USP31: variants seen among roughly 807,000 people sequenced by gnomAD.
The protein encoded by USP31 is ubiquitin carboxyl-terminal hydrolase 31.
USP31 carries 44 observed loss-of-function variants against 119.4 expected under a neutral mutation model. That is an observed-to-expected ratio of 0.37 (90% confidence interval 0.29 to 0.47). The LOEUF is 0.47. Ranked by LOEUF, USP31 falls within the 20% of genes least tolerant of loss-of-function variation. USP31 has a pLI of 0.99. For synonymous variants in USP31, 749 were observed against 705.6 expected (o/e 1.06, Z -0.97); for missense variants, 1,643 against 1,730.2 (o/e 0.95, Z 0.89).
Position 23,062,119 on chromosome 16 carries a change from C to G in USP31, c.*5927G>C, listed in dbSNP as rs541415675. On this transcript the variant is annotated 3_prime_UTR_variant, in exon 16 of 16. Transcript: ENST00000219689. ...TTCCAACTTGCATGTCTACTTGTAT[C>G]TTCATTCCTTAAAATGTTGAAAACA... The G allele has an allele frequency of 5.0e-4, 76 of 152,754 alleles. No homozygotes were observed. The highest frequency in any genetic ancestry group is 1.4e-3 in the African/African-American group (58 of 41,560). The allele number at this position is 152,754 out of a possible 1,614,324, so 9.5% of individuals were successfully genotyped here.
At chr16:23,144,791 A>G (rs1194951489) in intron 1 of USP31, among the ~76,000 whole-genome samples, 1 of 152,266 alleles carries the variant, frequency 6.6e-6, no homozygotes, top group East Asian at 1.9e-4. Flanking sequence ...CTTAGCATTC[A>G]ACTTTCTTTA....
At chr16:23,132,244 T>C (rs1409555984) in intron 1 of USP31, among the ~76,000 whole-genome samples, 3 of 151,962 alleles carry the variant, frequency 2.0e-5, no homozygotes, top group African/African-American at 7.2e-5. Flanking sequence ...GAGCAAACAA[T>C]AATATTTTTG....
At chr16:23,118,843 C>T (rs1157748647) in intron 1 of USP31, among the ~76,000 whole-genome samples, 1 of 151,874 alleles carries the variant, frequency 6.6e-6, no homozygotes, top group Non-Finnish European at 1.5e-5. Flanking sequence ...TGCAGTGGCT[C>T]ATGCCTGTAA....
rs111989772 is a variant in USP31, at chr16:23,093,994, T to C, written c.1235-3190A>G. 7.9e-3 allele frequency among the ~76,000 whole-genome samples: 1,204 copies of C among 152,230 alleles called. 11 individuals are homozygous for C. The highest frequency in any genetic ancestry group is 0.026 in the African/African-American group (1,095 of 41,556). On this transcript the variant is annotated intron_variant, in intron 6 of 15. Transcript: ENST00000219689. ...TACCTGGTTCATCTCATTGGGACGG[T>C]TGGACAGTGGGTACTGCCCACGGAG...
Position 23,069,326 on chromosome 16 carries a change from C to A in USP31, c.2779G>T (p.Asp927Tyr). The change falls in exon 16 of 16, where the codon GAC becomes TAC. Residue 927 changes from aspartate (D) to tyrosine (Y), a missense_variant. By Grantham distance (160) the Asp-to-Tyr change is radical. This residue lies in a region of USP31 where 699 missense variants were observed against 650.9 expected (regional missense o/e 1.07). Coordinates refer to ENST00000219689, the MANE Select transcript of USP31 (RefSeq NM_020718.4). ...TTGTGCTCACGGCGACTATGACTGT[C>A]GCTTGGTTCCTGGTAACTGCTAGAA... ...NLSSSYQEPS[D>Y]SHSRREHKAV... 6.2e-7 allele frequency: 1 copy of A among 1,602,682 alleles called. No homozygotes were observed. The highest frequency in any genetic ancestry group is 8.5e-7 in the Non-Finnish European group (1 of 1,173,472).
At chr16:23,085,759 C>A in intron 9 of USP31, 97 bp from the exon 10 acceptor site, 1 of 1,096,848 alleles carries the variant, frequency 9.1e-7, no homozygotes, top group South Asian at 1.4e-5. Context: ...ATCATAATTT[C>A]AGGTGATTAA....
intron 6 of USP31, among the ~76,000 whole-genome samples, chr16:23,093,852 C>A (rs1901480554): frequency 6.6e-6 from 1 of 152,174 alleles, no homozygotes; most frequent in East Asian, 1.9e-4. Context: ...ACTGTTCGGC[C>A]ATTAAAAAGG....
At chr16:23,091,695 G>A (rs769524027) in intron 6 of USP31, among the ~76,000 whole-genome samples, 2 of 151,974 alleles carry the variant, frequency 1.3e-5, no homozygotes, top group Non-Finnish European at 2.9e-5. Flanking sequence ...AATTTAAAAT[G>A]ACAAAGTACA....
intron 6 of USP31, among the ~76,000 whole-genome samples, chr16:23,101,640 G>A (rs1176600795): frequency 6.6e-6 from 1 of 152,134 alleles, no homozygotes; most frequent in Non-Finnish European, 1.5e-5. Flanking sequence ...CCAGTTCCCA[G>A]GTAATACTGA....
At chr16:23,144,589 C>T (rs1429343137) in intron 1 of USP31, among the ~76,000 whole-genome samples, 3 of 152,006 alleles carry the variant, frequency 2.0e-5, no homozygotes, top group South Asian at 2.1e-4. Flanking sequence ...AAGAGATTCT[C>T]GTGCCTCAGC....
chr16:23,069,279 C>A lies in USP31; in HGVS notation c.2826G>T (p.Leu942=). Residue 942 remains leucine, a synonymous_variant, in exon 16 of 16, where the codon CTG becomes CTT. Coordinates refer to ENST00000219689, the MANE Select transcript of USP31 (RefSeq NM_020718.4). The stretch of plus-strand genomic sequence containing the variant: ...CTTTGAACACGCCTTCCATGACAGC[C>A]AGAGGGGCCCGGCCCACAGCCTTGT... The part of the protein sequence containing the change: ...REHKAVGRAP[L]AVMEGVFKDE... The A allele has an allele frequency of 6.2e-7, 1 of 1,612,372 alleles. No individual in the cohort carries two copies. Among genetic ancestry groups the A allele is most frequent in the Non-Finnish European group, 8.5e-7 (1 of 1,179,140 alleles).
intron 1 of USP31, among the ~76,000 whole-genome samples, chr16:23,136,886 G>C (rs1469169057): frequency 3.9e-5 from 6 of 152,136 alleles, no homozygotes; most frequent in Non-Finnish European, 8.8e-5. Context: ...CACTTGAAAA[G>C]TGCATCATTA....
chr16:23,076,385 A>T (rs918778674), intron 13 of USP31, among the ~76,000 whole-genome samples: 2 of 152,178 alleles, frequency 1.3e-5, no homozygotes, highest in Non-Finnish European at 2.9e-5. Flanking sequence ...GACTCTAAAC[A>T]TCTCATATAC....
chr16:23,148,495 T>C (rs1044911369), intron 1 of USP31, 143 bp downstream of exon 1: 15 of 1,172,924 alleles, frequency 1.3e-5, no homozygotes, highest in Non-Finnish European at 1.7e-5. Flanking sequence ...CTCCTTAAAA[T>C]CACTGGTCGA....
At chr16:23,106,616 A>ACGG in intron 2 of USP31, 129 bp from the exon 3 acceptor site, 2 of 919,792 alleles carry the variant, frequency 2.2e-6, no homozygotes, top group South Asian at 3.5e-5. Context: ...TACTTCAGTG[A>ACGG]CGGGCACCTG....
chr16:23,082,206 G>A (rs1404705383), intron 12 of USP31, among the ~76,000 whole-genome samples: 1 of 152,100 alleles, frequency 6.6e-6, no homozygotes, highest in African/African-American at 2.4e-5. Context: ...ATTTAGGCAC[G>A]ACATTTACAA....
Position 23,102,483 on chromosome 16 carries a change from A to G in USP31, c.1090-20T>C. The G allele has an allele frequency of 6.3e-7, 1 of 1,597,512 alleles. No individual in the cohort carries two copies. Among genetic ancestry groups the G allele is most frequent in the East Asian group, 2.3e-5 (1 of 44,352 alleles). On this transcript the variant is annotated intron_variant, in intron 5 of 15. Coordinates refer to ENST00000219689, the MANE Select transcript of USP31 (RefSeq NM_020718.4). ...CACAATCTAAAAATAGGAAAAATGTAAACAGGTGGGTAACTGGAAATTCGA... is the reference window on the plus strand; with the variant it reads ...CACAATCTAAAAATAGGAAAAATGTGAACAGGTGGGTAACTGGAAATTCGA...
At chr16:23,128,865 T>TA (rs1902945465) in intron 1 of USP31, among the ~76,000 whole-genome samples, 1 of 152,154 alleles carries the variant, frequency 6.6e-6, no homozygotes, top group African/African-American at 2.4e-5. Flanking sequence ...TTACAGGAAA[T>TA]ACATGGACAG....
In USP31 at chr16:23,122,090, G is replaced by A. The variant is rs1902689445; in HGVS notation, c.634-13907C>T. ...AATTATGTTATGCACACACAGGGGA[G>A]GGGAAGGCAAGTAAGTCAATTTTAT... On this transcript the variant is annotated intron_variant, in intron 1 of 15. Transcript: ENST00000219689. 2.6e-5 allele frequency among the ~76,000 whole-genome samples: 4 copies of A among 152,260 alleles called. 1 individual carries two copies. The South Asian group carries it at 8.3e-4, about 32-fold the overall frequency.
Sources: allele counts gnomAD v4.1 joint callset (sites outside exome capture counted in the v4.1 genomes callset), GRCh38; gene constraint gnomAD v4.1.1; regional missense constraint gnomAD v4.1.1; transcripts MANE v1.5; gene names NCBI Gene and HGNC (gene_info 2026-07-23, HGNC 2026-07-21).